TNPO1: variants seen among roughly 807,000 people sequenced by gnomAD.
The protein encoded by TNPO1 is transportin 1.
In TNPO1, 8 loss-of-function variants were observed where a neutral mutation model predicts 119.5. That is an observed-to-expected ratio of 0.07 (90% CI 0.04 to 0.12). TNPO1 has a LOEUF of 0.12. TNPO1 is among the 10% of genes least tolerant of loss of function. TNPO1 has a pLI of 1.00. For synonymous variants in TNPO1, 362 were observed against 363.0 expected (o/e 1.00, Z 0.03); for missense variants, 576 against 1,089.8 (o/e 0.53, Z 6.64).
At chr5:72,843,600 AAAAAAAACAAACCC>A (rs1261783581) in intron 1 of TNPO1, among the ~76,000 whole-genome samples, 1 of 152,018 alleles carries the variant, frequency 6.6e-6, no homozygotes, top group Non-Finnish European at 1.5e-5. Flanking sequence ...TCTCAAAAAA[AAAAAAAACAAACCC>A]AAAAAACAAA....
intron 14 of TNPO1, among the ~76,000 whole-genome samples, chr5:72,890,618 T>C (rs187598920): frequency 7.2e-5 from 11 of 152,342 alleles, no homozygotes; most frequent in Admixed American, 6.5e-4. Flanking sequence ...TAGGTTTGCT[T>C]TGCTGTTGGT....
At chr5:72,860,835 A>C (rs1316108334) in intron 4 of TNPO1, among the ~76,000 whole-genome samples, 1 of 152,152 alleles carries the variant, frequency 6.6e-6, no homozygotes, top group Non-Finnish European at 1.5e-5. Flanking sequence ...TAACAGACTC[A>C]TAAGTTTATC....
chr5:72,905,212 TA>T (rs150320545), intron 23 of TNPO1, 90 bp from the exon 24 acceptor site: 4 of 944,002 alleles, frequency 4.2e-6, no homozygotes, highest in Non-Finnish European at 4.9e-6. Context: ...ATAAAATTTA[TA>T]AAAAAATCAG....
chr5:72,880,058 A>T (rs1043856979), intron 9 of TNPO1, among the ~76,000 whole-genome samples: 3 of 152,108 alleles, frequency 2.0e-5, no homozygotes, highest in South Asian at 2.1e-4. Context: ...GTGGCAGCAC[A>T]TGCCTGTAAT....
rs144974086 is a variant in TNPO1, at chr5:72,902,365, C to T, written c.2514+1292C>T. 4.8e-3 allele frequency among the ~76,000 whole-genome samples: 725 copies of T among 152,188 alleles called. 7 individuals are homozygous for T. The highest frequency in any genetic ancestry group is 0.017 in the African/African-American group (701 of 41,528). ...AATTCAAATTGATACAGGTGATAGA[C>T]GTTGAAAACCTACAAGTTAGAATTA... is the stretch of plus-strand genomic sequence containing the variant. On this transcript the variant is annotated intron_variant, in intron 22 of 24. Coordinates refer to ENST00000337273, the MANE Select transcript of TNPO1 (RefSeq NM_002270.4).
intron 5 of TNPO1, 128 bp from the exon 6 acceptor site, chr5:72,865,467 AT>A: frequency 2.9e-6 from 3 of 1,037,914 alleles, no homozygotes; most frequent in Non-Finnish European, 1.4e-6. Context: ...GATTAAATTT[AT>A]GGATTTTAGA....
At chr5:72,868,817 G>T (rs529137630) in intron 6 of TNPO1, among the ~76,000 whole-genome samples, 1 of 152,170 alleles carries the variant, frequency 6.6e-6, no homozygotes, top group Admixed American at 6.5e-5. Context: ...GACTAGCCTG[G>T]CCAACATGGT....
chr5:72,854,061 C>G (rs1338964649), intron 3 of TNPO1, among the ~76,000 whole-genome samples: 2 of 152,078 alleles, frequency 1.3e-5, no homozygotes, highest in African/African-American at 4.8e-5. Context: ...AAACAATATA[C>G]TATATTTCTC....
At chr5:72,858,532 G>A (rs886180941) in intron 4 of TNPO1, among the ~76,000 whole-genome samples, 3 of 152,088 alleles carry the variant, frequency 2.0e-5, no homozygotes, top group African/African-American at 7.2e-5. Context: ...TATTTTGGGG[G>A]CACAGCATTA....
intron 19 of TNPO1, 71 bp downstream of exon 19, chr5:72,896,627 C>G (rs1055890039): frequency 4.0e-6 from 5 of 1,253,638 alleles, no homozygotes; most frequent in Non-Finnish European, 5.6e-6. Context: ...CCCAGCACTT[C>G]GGGAGGCTGA....
In TNPO1 at chr5:72,892,023, C is replaced by CAT. The variant is rs1434288420; in HGVS notation, c.1788+129_1788+130dup. 4.5e-6 allele frequency: 3 copies of CAT among 662,588 alleles called. No homozygotes were observed. The African/African-American group carries it at 5.5e-5, about 12-fold the overall frequency. 41.0% of individuals were successfully genotyped at this position (662,588 alleles called of 1,614,324 possible). A position where few individuals can be genotyped will look rare whatever the true frequency, so the allele number is the denominator to read the frequency against. ...AGTAGACGGAGGAAATTATATGATA[C>CAT]ATACTGTTCTCTAACCTGCTTTACT... is the stretch of plus-strand genomic sequence containing the variant. On this transcript the variant is annotated intron_variant, in intron 15 of 24. Coordinates refer to ENST00000337273, the MANE Select transcript of TNPO1 (RefSeq NM_002270.4).
chr5:72,853,179 G>C (rs1438309000), intron 3 of TNPO1, among the ~76,000 whole-genome samples: 4 of 152,190 alleles, frequency 2.6e-5, no homozygotes, highest in African/African-American at 9.7e-5. Context: ...GGCCAGGCAA[G>C]GTGGCTCACG....
Position 72,887,141 on chromosome 5 carries a change from C to T in TNPO1, c.1222C>T (p.Pro408Ser). The T allele has an allele frequency of 6.2e-7, 1 of 1,613,748 alleles. No individual in the cohort carries two copies. Among genetic ancestry groups the T allele is most frequent in the South Asian group, 1.1e-5 (1 of 91,034 alleles). Residue 408 changes from proline (P) to serine (S), a missense_variant, in exon 12 of 25, where the codon CCC becomes TCC. Pro to Ser is a moderately conservative substitution (Grantham distance 74, BLOSUM62 -1). Transcript: ENST00000337273. Reference protein sequence around the residue: ...YRDELLPHILPLLKELLFHHE... With the variant: ...YRDELLPHILSLLKELLFHHE... ...TGATGAACTGCTGCCACATATTTTGCCCCTTTTGAAAGAATTACTTTTTCA... is the reference window on the plus strand; with the variant it reads ...TGATGAACTGCTGCCACATATTTTGTCCCTTTTGAAAGAATTACTTTTTCA...
intron 11 of TNPO1, among the ~76,000 whole-genome samples, chr5:72,885,983 C>G (rs2112433185): frequency 6.6e-6 from 1 of 152,216 alleles, no homozygotes; most frequent in Admixed American, 6.5e-5. Context: ...AGCCAACTCT[C>G]TTGATAACTA....
rs529603844 is a variant in TNPO1, at chr5:72,837,713, G to A, written c.16-10672G>A. On this transcript the variant is annotated intron_variant, in intron 1 of 24. Transcript: ENST00000337273. ...CTGGGTCTCAATGACAATTTTAGTT[G>A]GGAGTGTAGTGTGCAGGGAACAAAC... Among the ~76,000 whole-genome samples the A allele has an allele frequency of 3.3e-5, 5 of 152,280 alleles. No individual in the cohort carries two copies. In the South Asian group the frequency reaches 1.0e-3, roughly 32 times the overall value.
rs543873631 is a variant in TNPO1 at position 72,884,496 on chromosome 5, A to T, written c.1150+1264A>T. On this transcript the variant is annotated intron_variant, in intron 11 of 24. Coordinates refer to ENST00000337273, the MANE Select transcript of TNPO1 (RefSeq NM_002270.4). The stretch of plus-strand genomic sequence containing the variant: ...AAAATAATATAAGTTGCTTTATTAT[A>T]TTCAAATTTATTATAAGTTGCTTTG... 1.4e-3 allele frequency among the ~76,000 whole-genome samples: 216 copies of T among 152,334 alleles called. 1 individual carries two copies. The highest frequency in any genetic ancestry group is 5.0e-3 in the African/African-American group (209 of 41,566).
intron 13 of TNPO1, 66 bp downstream of exon 13, chr5:72,888,369 G>A: frequency 7.2e-7 from 1 of 1,385,002 alleles, no homozygotes; most frequent in Non-Finnish European, 1.0e-6. Flanking sequence ...ACCTTCTGAT[G>A]GAGTGTTGGT....
Position 72,893,401 on chromosome 5 carries a change from T to C in TNPO1, c.1921T>C (p.Tyr641His). 6.2e-7 allele frequency: 1 copy of C among 1,613,988 alleles called. No homozygotes were observed. Among genetic ancestry groups the C allele is most frequent in the African/African-American group, 1.3e-5 (1 of 75,046 alleles). ...AMLNNAQPDQ[Y>H]EAPDKDFMIV... ...GCTAAACAATGCTCAACCAGATCAA[T>C]ATGAAGCTCCAGATAAAGATTTTAT... Residue 641 changes from tyrosine to histidine, a missense_variant, in exon 17 of 25, where the codon TAT (tyrosine) becomes CAT (histidine). By Grantham distance (83) the Tyr-to-His change is moderately conservative. This residue lies in a region of TNPO1 where 21 missense variants were observed against 23.9 expected (regional missense o/e 0.88). Transcript: ENST00000337273.
chr5:72,889,746 T>G (rs754335823), intron 13 of TNPO1, 40 bp from the exon 14 acceptor site: 1 of 1,544,764 alleles, frequency 6.5e-7, no homozygotes, highest in Non-Finnish European at 8.7e-7. Context: ...TAGATATATC[T>G]TACAGTCAAT....
Sources: allele counts gnomAD v4.1 joint callset (sites outside exome capture counted in the v4.1 genomes callset), GRCh38; gene constraint gnomAD v4.1.1; regional missense constraint gnomAD v4.1.1; transcripts MANE v1.5; gene names NCBI Gene and HGNC (gene_info 2026-07-23, HGNC 2026-07-21).